KLF12: variants seen among roughly 807,000 people sequenced by gnomAD.
KLF12 encodes Krueppel-like factor 12.
KLF12 carries 9 observed loss-of-function variants against 37.8 expected under a neutral mutation model. That is an observed-to-expected ratio of 0.24 (90% confidence interval 0.14 to 0.42). KLF12 has a LOEUF of 0.42. Among genes scored for constraint, KLF12 ranks in the 10% least tolerant of loss-of-function variants. The probability of loss-of-function intolerance (pLI) is 1.00; values close to 1 mark genes in which losing one functional copy is unlikely to be tolerated. For missense variants in KLF12, 411 were observed against 516.0 expected, an observed-to-expected ratio of 0.80 and a Z score of 1.97; for synonymous variants, 208 against 202.1, an observed-to-expected ratio of 1.03 and a Z score of -0.25.
intron 1 of KLF12, among the ~76,000 whole-genome samples, chr13:74,126,465 AT>A (rs914543292): frequency 6.6e-6 from 1 of 151,898 alleles, no homozygotes; most frequent in African/African-American, 2.4e-5. Context: ...TTTTTTCACA[AT>A]TTTTTTCACA....
At chr13:73,974,791 T>C (rs1262341753) in intron 2 of KLF12, among the ~76,000 whole-genome samples, 1 of 152,210 alleles carries the variant, frequency 6.6e-6, no homozygotes, top group Non-Finnish European at 1.5e-5. Context: ...TGAAACCTAG[T>C]TGACAAATAA....
At chr13:73,946,397 T>C (rs957418272) in intron 2 of KLF12, among the ~76,000 whole-genome samples, 3 of 152,208 alleles carry the variant, frequency 2.0e-5, no homozygotes, top group African/African-American at 7.2e-5. Flanking sequence ...GTTTAAAAAA[T>C]GGAAGCTAAC....
At chr13:73,857,076 A>G (rs1352139714) in intron 3 of KLF12, among the ~76,000 whole-genome samples, 1 of 152,236 alleles carries the variant, frequency 6.6e-6, no homozygotes, top group African/African-American at 2.4e-5. Flanking sequence ...AGGAAAGTTA[A>G]GGCAGATTTA....
chr13:74,045,909 T>A (rs1893531282), intron 1 of KLF12, among the ~76,000 whole-genome samples: 1 of 152,244 alleles, frequency 6.6e-6, no homozygotes, highest in Admixed American at 6.5e-5. Flanking sequence ...AACTGAGTAA[T>A]TATCTTATTG....
intron 2 of KLF12, among the ~76,000 whole-genome samples, chr13:73,959,666 C>T (rs1468112591): frequency 1.3e-5 from 2 of 151,712 alleles, no homozygotes; most frequent in Non-Finnish European, 2.9e-5. Flanking sequence ...AATTATATAT[C>T]TCATGTAATA....
chr13:74,156,187 T>C, the KLF12 span, among the ~76,000 whole-genome samples: 2 of 152,202 alleles, frequency 1.3e-5, no homozygotes, highest in African/African-American at 4.8e-5. Flanking sequence ...CCCCTGAATA[T>C]AGGATTTATA....
intron 2 of KLF12, among the ~76,000 whole-genome samples, chr13:73,957,101 GAAAGA>G (rs1381081657): frequency 0.01 from 1,196 of 116,152 alleles, 22 homozygotes; most frequent in Non-Finnish European, 0.015. Context: ...GAAAGGAAAG[GAAAGA>G]AAGGAAAAGA....
chr13:73,859,205 G>A (rs1266384907), intron 3 of KLF12, among the ~76,000 whole-genome samples: 1 of 152,166 alleles, frequency 6.6e-6, no homozygotes, highest in Non-Finnish European at 1.5e-5. Flanking sequence ...GTTCACAAAA[G>A]TCTGTGGGGT....
intron 1 of KLF12, among the ~76,000 whole-genome samples, chr13:74,071,495 G>T (rs1325167674): frequency 6.6e-6 from 1 of 150,746 alleles, no homozygotes; most frequent in African/African-American, 2.4e-5. Context: ...GACCATCCTG[G>T]CTAACACAGT....
chr13:74,182,564 C>G, the KLF12 span, among the ~76,000 whole-genome samples: 1 of 152,204 alleles, frequency 6.6e-6, no homozygotes, highest in Non-Finnish European at 1.5e-5. Context: ...GGATTAGTAG[C>G]CCTTCTGTCT....
chr13:73,861,986 T>G (rs979804846), intron 3 of KLF12, among the ~76,000 whole-genome samples: 3 of 152,080 alleles, frequency 2.0e-5, no homozygotes, highest in Non-Finnish European at 4.4e-5. Flanking sequence ...CTTCATATTA[T>G]AAGTATTAAT....
chr13:73,773,761 G>A (rs557485250), intron 5 of KLF12, among the ~76,000 whole-genome samples: 2 of 152,186 alleles, frequency 1.3e-5, no homozygotes, highest in South Asian at 4.1e-4. Flanking sequence ...CTATCAGCCA[G>A]CCACTCACCT....
chr13:73,865,559 CACA>C (rs1594187729), intron 3 of KLF12, among the ~76,000 whole-genome samples: 1 of 152,096 alleles, frequency 6.6e-6, no homozygotes, highest in African/African-American at 2.4e-5. Context: ...GAGGCATAAT[CACA>C]ACGTCTGCTA....
intron 6 of KLF12, among the ~76,000 whole-genome samples, chr13:73,763,244 T>A (rs562749020): frequency 3.0e-4 from 45 of 152,300 alleles, no homozygotes; most frequent in African/African-American, 1.1e-3. Flanking sequence ...CTTAGAGCTT[T>A]ACCCACATTG....
intron 1 of KLF12, among the ~76,000 whole-genome samples, chr13:74,115,629 TG>T (rs1877252685): frequency 6.7e-6 from 1 of 149,836 alleles, no homozygotes; most frequent in South Asian, 2.1e-4. Flanking sequence ...CACTTGAACC[TG>T]GGGGACAGAG....
intron 7 of KLF12, among the ~76,000 whole-genome samples, chr13:73,696,023 T>G (rs549410272): frequency 6.6e-6 from 1 of 152,118 alleles, no homozygotes; most frequent in African/African-American, 2.4e-5. Context: ...AGGCTGAAAG[T>G]CACAAAGAAT....
At chr13:74,306,018 G>A in the KLF12 span, among the ~76,000 whole-genome samples, 2 of 152,020 alleles carry the variant, frequency 1.3e-5, no homozygotes, top group Non-Finnish European at 2.9e-5. Flanking sequence ...CATGATACCC[G>A]GTGACCACAT....
chr13:74,170,930 A>C, the KLF12 span, among the ~76,000 whole-genome samples: 2 of 151,874 alleles, frequency 1.3e-5, no homozygotes, highest in Non-Finnish European at 2.9e-5. Context: ...ATGCCCGGCA[A>C]ATTTTTGCAT....
chr13:73,868,886 C>G (rs528141960), intron 3 of KLF12, among the ~76,000 whole-genome samples: 2 of 152,266 alleles, frequency 1.3e-5, no homozygotes, highest in Non-Finnish European at 2.9e-5. Flanking sequence ...AGCTGGCATA[C>G]TTGTTATCAA....
Sources: allele counts gnomAD v4.1 joint callset (sites outside exome capture counted in the v4.1 genomes callset), GRCh38; gene constraint gnomAD v4.1.1; transcripts MANE v1.5; gene names NCBI Gene and HGNC (gene_info 2026-07-23, HGNC 2026-07-21).